STAG2: variants seen among roughly 807,000 people sequenced by gnomAD.
The protein encoded by STAG2 is STAG2 cohesin complex component.
In STAG2, 14 loss-of-function variants were observed where a neutral mutation model predicts 108.1. The observed-to-expected ratio is 0.13, with a 90% CI of 0.09 to 0.20. The LOEUF (loss-of-function observed/expected upper bound fraction) is 0.20. Ranked by LOEUF, STAG2 falls within the 10% of genes least tolerant of loss-of-function variation. The pLI, the probability that STAG2 is intolerant of heterozygous loss-of-function variation, is 1.00. For synonymous variants in STAG2, 307 were observed against 302.7 expected, an observed-to-expected ratio of 1.01 and a Z score of -0.15; for missense variants, 440 against 940.9, an observed-to-expected ratio of 0.47 and a Z score of 6.96.
At chrX:124,079,903 A>G (rs2058909129) in intron 27 of STAG2, among the ~76,000 whole-genome samples, 1 of 108,024 alleles carries the variant, frequency 9.3e-6, no homozygotes, top group African/African-American at 3.4e-5. Flanking sequence ...CACTGAACAC[A>G]TTTATGCCAT....
chrX:124,017,625 T>G (rs2056778601), intron 1 of STAG2, among the ~76,000 whole-genome samples: 1 of 111,958 alleles, frequency 8.9e-6, no homozygotes, highest in Non-Finnish European at 1.9e-5. Flanking sequence ...GGGGTACTTT[T>G]GATGAATGTA....
chrX:124,094,260 T>A, intron 33 of STAG2, 116 bp downstream of exon 33: 1 of 731,482 alleles, frequency 1.4e-6, no homozygotes, highest in Non-Finnish European at 2.0e-6. Context: ...GCAAAAATAT[T>A]AAAATAGTTG....
intron 13 of STAG2, among the ~76,000 whole-genome samples, chrX:124,052,146 A>G (rs891075817): frequency 2.7e-5 from 3 of 111,978 alleles, no homozygotes; most frequent in Non-Finnish European, 5.6e-5. Context: ...TGTTATTCAT[A>G]TTTTTCCTTT....
chrX:124,095,276 C>T (rs2059350776), intron 33 of STAG2, 96 bp from the exon 34 acceptor site: 1 of 694,964 alleles, frequency 1.4e-6, no homozygotes, highest in Non-Finnish European at 2.3e-6. Context: ...CACTTGGAAT[C>T]ACATAGACCA....
chrX:123,991,735 GC>G (rs1410154504), intron 1 of STAG2, among the ~76,000 whole-genome samples: 1 of 109,404 alleles, frequency 9.1e-6, no homozygotes, highest in Non-Finnish European at 1.9e-5. Flanking sequence ...CGCGATCTCG[GC>G]TCACCGCAAC....
At chrX:124,002,576 T>C (rs2056091470) in intron 1 of STAG2, among the ~76,000 whole-genome samples, 1 of 111,391 alleles carries the variant, frequency 9.0e-6, no homozygotes, top group Non-Finnish European at 1.9e-5. Context: ...GAAAATTACC[T>C]GTGTGGTTTT....
intron 1 of STAG2, among the ~76,000 whole-genome samples, chrX:123,995,186 T>G (rs184344210): frequency 2.1e-4 from 24 of 111,677 alleles, no homozygotes; most frequent in African/African-American, 5.8e-4. Context: ...TAATATCCTT[T>G]GTATGTGACA....
intron 1 of STAG2, among the ~76,000 whole-genome samples, chrX:123,980,636 A>G (rs1002812117): frequency 9.0e-6 from 1 of 111,621 alleles, no homozygotes; most frequent in African/African-American, 3.3e-5. Context: ...CCAGGTTACA[A>G]ATAATAGGTT....
intron 1 of STAG2, among the ~76,000 whole-genome samples, chrX:123,983,502 T>C (rs1472631834): frequency 9.0e-6 from 1 of 111,111 alleles, no homozygotes; most frequent in Non-Finnish European, 1.9e-5. Flanking sequence ...TTTCTTACTG[T>C]AGTGTAATCT....
At chrX:124,087,019 C>T (rs2059124316) in intron 30 of STAG2, among the ~76,000 whole-genome samples, 1 of 112,253 alleles carries the variant, frequency 8.9e-6, no homozygotes, top group Non-Finnish European at 1.9e-5. Flanking sequence ...ACTCATGTCA[C>T]AGTTATTAAG....
chrX:124,042,561 A>T lies in STAG2; in HGVS notation c.386-8A>T, dbSNP rs199610347. The T allele has an allele frequency of 1.1e-3, 1,308 of 1,186,091 alleles. 5 individuals are homozygous for T. The highest frequency in any genetic ancestry group is 8.0e-3 in the East Asian group (269 of 33,622). On this transcript the variant is annotated splice_polypyrimidine_tract_variant and splice_region_variant and intron_variant, in intron 6 of 34. Coordinates refer to ENST00000371145, the MANE Select transcript of STAG2 (RefSeq NM_001042750.2). ...CATATATTAACTTCTGACATTTGCA[A>T]ATTTCAGGAGTTGTCACAGCAGAAA...
chrX:124,006,853 A>G (rs2065465545), intron 1 of STAG2, among the ~76,000 whole-genome samples: 1 of 111,515 alleles, frequency 9.0e-6, no homozygotes, highest in African/African-American at 3.3e-5. Context: ...TTGTTTGCTA[A>G]TTATCTCTTT....
chrX:124,028,815 TATATA>T (rs1290943222), intron 4 of STAG2, among the ~76,000 whole-genome samples: 39 of 89,481 alleles, frequency 4.4e-4, no homozygotes, highest in African/African-American at 1.4e-3. Flanking sequence ...TATATATATA[TATATA>T]TATTTTTTTT....
chrX:123,998,608 ATC>A (rs2055873972), intron 1 of STAG2, among the ~76,000 whole-genome samples: 3 of 106,015 alleles, frequency 2.8e-5, no homozygotes, highest in African/African-American at 1.0e-4. Context: ...CTATCTATCT[ATC>A]TATCTATCTA....
chrX:124,062,141 C>T (rs1569515586), intron 17 of STAG2, among the ~76,000 whole-genome samples: 2 of 111,082 alleles, frequency 1.8e-5, no homozygotes, highest in Admixed American at 9.6e-5. Flanking sequence ...TGGAATGGTG[C>T]AGTTGTATGT....
intron 1 of STAG2, among the ~76,000 whole-genome samples, chrX:123,984,853 G>GGTCTC (rs2055089735): frequency 9.0e-6 from 1 of 111,228 alleles, no homozygotes; most frequent in African/African-American, 3.3e-5. Flanking sequence ...TGCTCAGGCT[G>GGTCTC]GTCTCGAACT....
chrX:123,990,999 C>G (rs1302044550), intron 1 of STAG2, among the ~76,000 whole-genome samples: 3 of 112,179 alleles, frequency 2.7e-5, no homozygotes, highest in Non-Finnish European at 5.6e-5. Context: ...GAGCTACTTT[C>G]TGGTGCCCTG....
At chrX:124,038,247 A>G (rs896568207) in intron 6 of STAG2, among the ~76,000 whole-genome samples, 3 of 111,250 alleles carry the variant, frequency 2.7e-5, no homozygotes, top group African/African-American at 9.8e-5. Context: ...AGGGGGACAA[A>G]ATTATGTAAG....
Position 124,101,005 on chromosome X carries a change from C to T in STAG2, c.*408C>T, listed in dbSNP as rs1382171906. ...CCTCTGCTGGATTTCTGTTTACATC[C>T]AGAAAACAATGTTAAGGATGTATTT... On this transcript the variant is annotated 3_prime_UTR_variant, in exon 35 of 35. Coordinates refer to ENST00000371145, the MANE Select transcript of STAG2 (RefSeq NM_001042750.2). 1.3e-5 allele frequency: 2 copies of T among 159,273 alleles called. No homozygotes were observed. The highest frequency in any genetic ancestry group is 6.1e-5 in the African/African-American group (2 of 32,563). 13.1% of individuals were successfully genotyped at this position (159,273 alleles called of 1,213,427 possible). A position where few individuals can be genotyped will look rare whatever the true frequency, so the allele number is the denominator to read the frequency against.
Sources: gnomAD v4.1 joint callset for allele counts (sites outside exome capture counted in the v4.1 genomes callset) on GRCh38, gnomAD v4.1.1 for gene constraint, MANE v1.5 for transcripts, NCBI Gene and HGNC (gene_info 2026-07-23, HGNC 2026-07-21) for gene names.